SYT10: variants seen among roughly 807,000 people sequenced by gnomAD.
SYT10 encodes the protein synaptotagmin 10.
SYT10 carries 31 observed loss-of-function variants against 51.1 expected under a neutral mutation model. That is an observed-to-expected ratio of 0.61 (90% CI 0.46 to 0.82). SYT10 has a LOEUF of 0.82. SYT10 is among the 40% of genes least tolerant of loss of function. The pLI, the probability that SYT10 is intolerant of heterozygous loss-of-function variation, is 0.00. For missense variants in SYT10, 603 were observed against 634.0 expected (o/e 0.95, Z 0.53); for synonymous variants, 233 against 225.9 (o/e 1.03, Z -0.28).
At chr12:33,424,283 A>T (rs1866530719) in intron 2 of SYT10, among the ~76,000 whole-genome samples, 2 of 152,146 alleles carry the variant, frequency 1.3e-5, no homozygotes, top group Non-Finnish European at 2.9e-5. Flanking sequence ...CTCTATACTC[A>T]ACAGGTAATA....
chr12:33,407,337 G>A lies in SYT10; in HGVS notation c.529C>T (p.His177Tyr), dbSNP rs781385212. ...GAAACCTGCATTTGCCTCGGCAGGT[G>A]TCTTCGGAAGGAACTGTGGCTGAAC... ...SSTRHSSFRR[H>Y]LPRQMQVSSV... is the part of the protein sequence containing the mutation. The change falls in exon 3 of 7, where the codon CAC (histidine) becomes TAC (tyrosine). Residue 177 changes from histidine to tyrosine, a missense_variant. Physicochemically the swap from His to Tyr is moderately conservative, Grantham distance 83 (BLOSUM62 2). Coordinates refer to ENST00000228567, the MANE Select transcript of SYT10 (RefSeq NM_198992.4). 3 of 1,605,172 alleles carry A rather than the reference G, an allele frequency of 1.9e-6. No homozygotes were observed. The highest frequency in any genetic ancestry group is 3.3e-5 in the Admixed American group (2 of 59,998).
At chr12:33,431,110 T>C (rs1441254953) in intron 1 of SYT10, among the ~76,000 whole-genome samples, 1 of 152,116 alleles carries the variant, frequency 6.6e-6, no homozygotes, top group Non-Finnish European at 1.5e-5. Flanking sequence ...AAGTCCAAGA[T>C]GGCAAGCTAC....
At chr12:33,413,596 G>T (rs1018846700) in intron 2 of SYT10, among the ~76,000 whole-genome samples, 2 of 152,116 alleles carry the variant, frequency 1.3e-5, no homozygotes, top group Admixed American at 6.5e-5. Context: ...CTTCATAAGT[G>T]AAGGAGAAAT....
At chr12:33,425,389 G>T (rs551336546) in intron 2 of SYT10, among the ~76,000 whole-genome samples, 1 of 152,062 alleles carries the variant, frequency 6.6e-6, no homozygotes, top group African/African-American at 2.4e-5. Flanking sequence ...CCTCTTTATA[G>T]GAATCATTTT....
At chr12:33,408,808 C>CTGACAATAGCACTAATATTTTTTA (rs560885721) in intron 2 of SYT10, among the ~76,000 whole-genome samples, 1,831 of 152,256 alleles carry the variant, frequency 0.012, 40 homozygotes, top group African/African-American at 0.04. Context: ...CCCACAATCT[C>CTGACAATAGCACTAATATTTTTTA]TGACAATAGC....
intron 4 of SYT10, among the ~76,000 whole-genome samples, chr12:33,383,837 A>G (rs1413870347): frequency 6.6e-6 from 1 of 152,226 alleles, no homozygotes; most frequent in Non-Finnish European, 1.5e-5. Flanking sequence ...AAAGTTTCAT[A>G]TAAATAAAAT....
intron 1 of SYT10, among the ~76,000 whole-genome samples, chr12:33,434,994 G>C (rs1866626677): frequency 6.6e-6 from 1 of 152,078 alleles, no homozygotes; most frequent in Admixed American, 6.6e-5. Flanking sequence ...GTTCAAAATA[G>C]AAATGATTTT....
At chr12:33,416,262 T>C (rs879830071) in intron 2 of SYT10, among the ~76,000 whole-genome samples, 1 of 151,836 alleles carries the variant, frequency 6.6e-6, no homozygotes, top group Non-Finnish European at 1.5e-5. Flanking sequence ...TTTGTATTTT[T>C]AGTAGAGACG....
At chr12:33,417,387 AT>A (rs1438612203) in intron 2 of SYT10, among the ~76,000 whole-genome samples, 3 of 152,204 alleles carry the variant, frequency 2.0e-5, no homozygotes, top group Admixed American at 2.0e-4. Flanking sequence ...TTGCCTTGAG[AT>A]GGTCTGCACC....
intron 3 of SYT10, among the ~76,000 whole-genome samples, 193 bp from the exon 4 acceptor site, chr12:33,385,484 C>G (rs963386959): frequency 1.3e-5 from 2 of 152,198 alleles, no homozygotes; most frequent in Non-Finnish European, 2.9e-5. Flanking sequence ...GCTATCTCCA[C>G]TTGTATTTAC....
intron 1 of SYT10, chr12:33,432,535 T>C (rs1030084861): frequency 1.3e-5 from 2 of 152,080 alleles, no homozygotes; most frequent in African/African-American, 4.8e-5. Flanking sequence ...AGCATGATGT[T>C]AAAACCACTT....
rs1281977534 is a variant in SYT10 at position 33,439,597 on chromosome 12, C to T, written c.-75G>A. ...TCCTCTTCCCGTACCTCTAACCCCT[C>T]TGGCGCCCTAAGCCATAGTCCGCCC... On this transcript the variant is annotated 5_prime_UTR_variant, in exon 1 of 7. Coordinates refer to ENST00000228567, the MANE Select transcript of SYT10 (RefSeq NM_198992.4). 1 of 1,543,660 alleles carries T rather than the reference C, an allele frequency of 6.5e-7. No homozygotes were observed. Among genetic ancestry groups the T allele is most frequent in the African/African-American group, 1.4e-5 (1 of 73,298 alleles).
chr12:33,413,707 C>T (rs1407324501), intron 2 of SYT10, among the ~76,000 whole-genome samples: 12 of 152,242 alleles, frequency 7.9e-5, no homozygotes, highest in South Asian at 4.1e-4. Flanking sequence ...AAGGAACAAC[C>T]GGTACCAGCC....
At chr12:33,424,872 A>C (rs1398927130) in intron 2 of SYT10, among the ~76,000 whole-genome samples, 1 of 152,076 alleles carries the variant, frequency 6.6e-6, no homozygotes, top group African/African-American at 2.4e-5. Context: ...TGTCAAAATA[A>C]ACACAAAATA....
intron 3 of SYT10, among the ~76,000 whole-genome samples, chr12:33,390,086 A>G (rs1866190393): frequency 1.3e-5 from 2 of 152,222 alleles, no homozygotes; most frequent in South Asian, 4.1e-4. Flanking sequence ...GAACTAAATA[A>G]CATATATAGT....
chr12:33,437,935 C>G (rs1866651206), intron 1 of SYT10, among the ~76,000 whole-genome samples: 1 of 152,048 alleles, frequency 6.6e-6, no homozygotes, highest in African/African-American at 2.4e-5. Flanking sequence ...TGTTTATACA[C>G]TGAGAAAATT....
intron 1 of SYT10, among the ~76,000 whole-genome samples, chr12:33,427,442 T>C (rs969566644): frequency 5.9e-5 from 9 of 152,106 alleles, no homozygotes; most frequent in Non-Finnish European, 8.8e-5. Context: ...AAGGGAGAAA[T>C]TGATGTATCA....
At chr12:33,431,015 G>A (rs774641969) in intron 1 of SYT10, among the ~76,000 whole-genome samples, 13 of 152,130 alleles carry the variant, frequency 8.5e-5, no homozygotes, top group Non-Finnish European at 1.6e-4. Flanking sequence ...ACAGGCCACG[G>A]CAGATTTATC....
intron 1 of SYT10, among the ~76,000 whole-genome samples, chr12:33,427,372 T>C (rs1866561825): frequency 6.6e-6 from 1 of 152,158 alleles, no homozygotes; most frequent in Non-Finnish European, 1.5e-5. Flanking sequence ...CTGTACATTT[T>C]ACAATATAGA....
Sources: gnomAD v4.1 joint callset for allele counts (sites outside exome capture counted in the v4.1 genomes callset) on GRCh38, gnomAD v4.1.1 for gene constraint, MANE v1.5 for transcripts, NCBI Gene and HGNC (gene_info 2026-07-23, HGNC 2026-07-21) for gene names.